Variants in KCNC2 observed in about 807,000 individuals in gnomAD.
KCNC2 encodes the protein potassium voltage-gated channel subfamily C member 2, also known as voltage-gated potassium channel KCNC2.
In KCNC2, 21 loss-of-function variants were observed where a neutral mutation model predicts 44.5. The ratio of observed to expected loss-of-function variants is 0.47; its 90% CI spans 0.33 to 0.68. The LOEUF (loss-of-function observed/expected upper bound fraction) is 0.68. Ranked by LOEUF, KCNC2 falls within the 30% of genes least tolerant of loss-of-function variation. The probability of loss-of-function intolerance (pLI) is 0.01; values close to 1 mark genes in which losing one functional copy is unlikely to be tolerated. For synonymous variants in KCNC2, 391 were observed against 339.1 expected, an observed-to-expected ratio of 1.15 and a Z score of -1.68; for missense variants, 589 against 826.2, an observed-to-expected ratio of 0.71 and a Z score of 3.52.
Position 75,040,523 on chromosome 12 carries a change from T to C in KCNC2, c.*2582A>G, listed in dbSNP as rs1879793106. 1 of 152,698 alleles carries C rather than the reference T, an allele frequency of 6.5e-6. No individual in the cohort carries two copies. Among genetic ancestry groups the C allele is most frequent in the East Asian group, 1.9e-4 (1 of 5,180 alleles). 9.5% of individuals were successfully genotyped at this position (152,698 alleles called of 1,614,324 possible). A position where few individuals can be genotyped will look rare whatever the true frequency, so the allele number is the denominator to read the frequency against. ...CATTGCCAGAATTATGTTTTTGTAA[T>C]ATTTATAATTGAGGTAATAATGATA... is the stretch of plus-strand genomic sequence containing the variant. On this transcript the variant is annotated 3_prime_UTR_variant, in exon 5 of 5. Transcript: ENST00000549446.
intron 2 of KCNC2, among the ~76,000 whole-genome samples, chr12:75,169,739 A>G (rs1210851303): frequency 6.6e-6 from 1 of 151,552 alleles, no homozygotes; most frequent in Admixed American, 6.6e-5. Context: ...AAAGGGGGAA[A>G]ATAGACTCAG....
At chr12:75,206,030 T>C (rs547021714) in intron 2 of KCNC2, among the ~76,000 whole-genome samples, 1 of 152,186 alleles carries the variant, frequency 6.6e-6, no homozygotes, top group Non-Finnish European at 1.5e-5. Flanking sequence ...AATTGTCTCT[T>C]TCATATTCTA....
chr12:75,163,062 T>C (rs1244785827), intron 2 of KCNC2, among the ~76,000 whole-genome samples: 2 of 151,722 alleles, frequency 1.3e-5, no homozygotes, highest in Non-Finnish European at 3.0e-5. Context: ...GAGTCAGTAT[T>C]TGCTTCAGGG....
At chr12:75,103,050 T>C (rs1886500924) in intron 2 of KCNC2, among the ~76,000 whole-genome samples, 1 of 151,886 alleles carries the variant, frequency 6.6e-6, no homozygotes, top group Non-Finnish European at 1.5e-5. Context: ...ATGTTAAGAG[T>C]AGATATTTGG....
In KCNC2 at chr12:75,127,787, G is replaced by A. The variant is rs566246483; in HGVS notation, c.688-76470C>T. ...CATCACACCACAACCACTAATAAAG[G>A]TCATAATGATGAACATCTTCTTTAA... is the stretch of plus-strand genomic sequence containing the variant. On this transcript the variant is annotated intron_variant, in intron 2 of 4. Transcript: ENST00000549446. Among the ~76,000 whole-genome samples the A allele has an allele frequency of 2.3e-4, 35 of 152,024 alleles. No homozygotes were observed. The East Asian group carries it at 6.8e-3, about 29-fold the overall frequency.
chr12:75,054,704 A>G (rs1526816), intron 2 of KCNC2, among the ~76,000 whole-genome samples: 63,450 of 152,044 alleles, frequency 0.42, 16,507 homozygotes, highest in Non-Finnish European at 0.59. Flanking sequence ...GAAGAGTCAT[A>G]AAAATAAGAA....
intron 2 of KCNC2, among the ~76,000 whole-genome samples, chr12:75,107,483 C>G (rs1455715788): frequency 6.6e-6 from 1 of 152,142 alleles, no homozygotes; most frequent in Non-Finnish European, 1.5e-5. Flanking sequence ...ACTCTATTCA[C>G]TAACCGCTGT....
chr12:75,180,469 G>C (rs958310675), intron 2 of KCNC2, among the ~76,000 whole-genome samples: 2 of 151,710 alleles, frequency 1.3e-5, no homozygotes, highest in African/African-American at 4.8e-5. Context: ...TTCCAATCAA[G>C]TTTTATTGTT....
At chr12:75,045,981 A>G (rs562394484) in intron 4 of KCNC2, among the ~76,000 whole-genome samples, 3 of 151,958 alleles carry the variant, frequency 2.0e-5, no homozygotes, top group South Asian at 4.1e-4. Flanking sequence ...AATAGAAATA[A>G]CAGCAGAAAT....
chr12:75,171,095 T>G (rs1215357097), intron 2 of KCNC2, among the ~76,000 whole-genome samples: 1 of 151,864 alleles, frequency 6.6e-6, no homozygotes, highest in East Asian at 1.9e-4. Context: ...TAAATTTGAA[T>G]GTCTCTGACA....
Position 75,041,016 on chromosome 12 carries a change from G to A in KCNC2, c.*2089C>T. 9.6e-7 allele frequency: 1 copy of A among 1,038,810 alleles called. No homozygotes were observed. The allele number at this position is 1,038,810 out of a possible 1,614,324, so 64.3% of individuals were successfully genotyped here. Reference sequence around the variant, plus strand: ...AGCACTCTCATGGGGAGCACCAGATGAGTTCCAGCCGCAGTTCTTTTATAA... The same window carrying A: ...AGCACTCTCATGGGGAGCACCAGATAAGTTCCAGCCGCAGTTCTTTTATAA... On this transcript the variant is annotated 3_prime_UTR_variant, in exon 5 of 5. Coordinates refer to ENST00000549446, the MANE Select transcript of KCNC2 (RefSeq NM_139137.4).
At chr12:75,063,124 T>TA (rs2136998779) in intron 2 of KCNC2, among the ~76,000 whole-genome samples, 1 of 152,224 alleles carries the variant, frequency 6.6e-6, no homozygotes, top group East Asian at 1.9e-4. Context: ...CATTTTTTTT[T>TA]ATTCTGCTTT....
At chr12:75,049,652 T>G in intron 3 of KCNC2, among the ~76,000 whole-genome samples, 1 of 151,992 alleles carries the variant, frequency 6.6e-6, no homozygotes, top group East Asian at 1.9e-4. Context: ...ACCCAACACA[T>G]TGTACCTAAA....
intron 2 of KCNC2, among the ~76,000 whole-genome samples, chr12:75,161,480 G>C (rs1403779395): frequency 6.6e-6 from 1 of 151,672 alleles, no homozygotes; most frequent in Non-Finnish European, 1.5e-5. Context: ...CCCAGCACCA[G>C]GGGCTTTTAC....
intron 2 of KCNC2, among the ~76,000 whole-genome samples, chr12:75,063,115 A>AT (rs752438767): frequency 2.0e-5 from 3 of 150,998 alleles, no homozygotes; most frequent in Admixed American, 6.6e-5. Flanking sequence ...TATAGGCTTC[A>AT]TTTTTTTTTA....
At chr12:75,086,677 AAAAAATAT>A (rs1306848014) in intron 2 of KCNC2, among the ~76,000 whole-genome samples, 88 of 27,710 alleles carry the variant, frequency 3.2e-3, no homozygotes, top group East Asian at 0.011. Flanking sequence ...AAAAAAAAAA[AAAAAATAT>A]ATATATATAT....
chr12:75,186,447 A>G (rs1420217997), intron 2 of KCNC2, among the ~76,000 whole-genome samples: 2 of 152,104 alleles, frequency 1.3e-5, no homozygotes, highest in Non-Finnish European at 2.9e-5. Context: ...TTTCATAAAT[A>G]TTTTTCAGAA....
chr12:75,044,014 C>T (rs1481490302), intron 4 of KCNC2, among the ~76,000 whole-genome samples: 1 of 151,876 alleles, frequency 6.6e-6, no homozygotes, highest in African/African-American at 2.4e-5. Context: ...ATCTTTTGTT[C>T]ATGATAGCTA....
At chr12:75,133,498 T>G (rs984350387) in intron 2 of KCNC2, among the ~76,000 whole-genome samples, 1 of 151,848 alleles carries the variant, frequency 6.6e-6, no homozygotes, top group African/African-American at 2.4e-5. Context: ...TAATTTAAGT[T>G]TTTTATAGAT....
Sources: allele counts gnomAD v4.1 joint callset (sites outside exome capture counted in the v4.1 genomes callset), GRCh38; gene constraint gnomAD v4.1.1; transcripts MANE v1.5; gene names NCBI Gene and HGNC (gene_info 2026-07-23, HGNC 2026-07-21).